The following ST6GAL1 variants were observed in gnomAD, a reference collection of about 807,000 sequenced individuals.
The protein encoded by ST6GAL1 is beta-galactoside alpha-2,6-sialyltransferase 1.
A neutral mutation model predicts 38.0 loss-of-function variants in ST6GAL1; 20 were observed. The ratio of observed to expected loss-of-function variants is 0.53; its 90% CI spans 0.37 to 0.77. The LOEUF (loss-of-function observed/expected upper bound fraction) is 0.77. Ranked by LOEUF, ST6GAL1 falls within the 30% of genes least tolerant of loss-of-function variation. ST6GAL1 has a pLI of 0.00. For missense variants in ST6GAL1, 432 were observed against 496.4 expected (o/e 0.87, Z 1.23); for synonymous variants, 196 against 188.2 (o/e 1.04, Z -0.34).
At chr3:186,944,631 G>A (rs1714292658) in intron 1 of ST6GAL1, among the ~76,000 whole-genome samples, 1 of 152,170 alleles carries the variant, frequency 6.6e-6, no homozygotes, top group Non-Finnish European at 1.5e-5. Context: ...TACAGAAAAA[G>A]TTACCAGGAA....
intron 2 of ST6GAL1, among the ~76,000 whole-genome samples, chr3:187,018,279 G>T (rs550050064): frequency 6.6e-6 from 1 of 152,212 alleles, no homozygotes; most frequent in African/African-American, 2.4e-5. Flanking sequence ...TGTTGGGGGT[G>T]GTTTTTCTAA....
At chr3:187,032,830 G>A (rs1426937608) in intron 2 of ST6GAL1, among the ~76,000 whole-genome samples, 1 of 152,100 alleles carries the variant, frequency 6.6e-6, no homozygotes, top group African/African-American at 2.4e-5. Context: ...CTTTTTCCCT[G>A]GTAGTCATAC....
chr3:186,963,505 G>A (rs939863031), intron 1 of ST6GAL1, among the ~76,000 whole-genome samples: 4 of 152,228 alleles, frequency 2.6e-5, no homozygotes, highest in Non-Finnish European at 5.9e-5. Flanking sequence ...CCGATCTGTA[G>A]CTTTCTAACC....
At chr3:186,987,611 A>C (rs925199832) in intron 2 of ST6GAL1, among the ~76,000 whole-genome samples, 5 of 152,208 alleles carry the variant, frequency 3.3e-5, no homozygotes, top group African/African-American at 1.2e-4. Context: ...AGGAAACCTG[A>C]AAATGTTTTT....
chr3:186,931,824 T>C (rs921820599), intron 1 of ST6GAL1, among the ~76,000 whole-genome samples: 14 of 152,388 alleles, frequency 9.2e-5, no homozygotes, highest in African/African-American at 3.4e-4. Context: ...AGACCTCGTA[T>C]TCTAGCTGGG....
rs1265379707 is a variant in ST6GAL1, at chr3:186,943,572, C to T, written c.-325+12738C>T. On this transcript the variant is annotated intron_variant, in intron 1 of 7. Transcript: ENST00000169298. ...TCAAGCCATTCCCCTGTCTCAGCCT[C>T]CTGAGTAGCTGGGATTACAGGTACA... Among the ~76,000 whole-genome samples, 3 of 152,114 alleles carry T rather than the reference C, an allele frequency of 2.0e-5. No individual in the cohort carries two copies. In the East Asian group the frequency reaches 5.8e-4, roughly 29 times the overall value.
intron 2 of ST6GAL1, among the ~76,000 whole-genome samples, chr3:186,988,128 T>C (rs1029283266): frequency 2.0e-5 from 3 of 152,160 alleles, no homozygotes; most frequent in Non-Finnish European, 4.4e-5. Flanking sequence ...TTAATTGACA[T>C]TGGTTGTGGT....
intron 2 of ST6GAL1, among the ~76,000 whole-genome samples, chr3:186,966,482 G>T (rs1483937619): frequency 6.6e-6 from 1 of 152,198 alleles, no homozygotes; most frequent in Non-Finnish European, 1.5e-5. Context: ...CTCAAAGCTA[G>T]TGAGTGCTCT....
intron 5 of ST6GAL1, among the ~76,000 whole-genome samples, chr3:187,063,786 C>A (rs1402049045): frequency 6.6e-6 from 1 of 152,220 alleles, no homozygotes; most frequent in Non-Finnish European, 1.5e-5. Flanking sequence ...GTCAGGCAGG[C>A]TTTGATCAGA....
At chr3:186,968,520 C>G (rs939147105) in intron 2 of ST6GAL1, among the ~76,000 whole-genome samples, 3 of 152,188 alleles carry the variant, frequency 2.0e-5, no homozygotes, top group Non-Finnish European at 4.4e-5. Flanking sequence ...TCCCTCCTTC[C>G]TGCCCCCTTC....
chr3:187,061,382 A>G (rs556143277), intron 5 of ST6GAL1, among the ~76,000 whole-genome samples: 12 of 152,316 alleles, frequency 7.9e-5, no homozygotes, highest in African/African-American at 2.6e-4. Flanking sequence ...AAGCTATCCT[A>G]AAATTTATAT....
intron 5 of ST6GAL1, among the ~76,000 whole-genome samples, chr3:187,067,337 T>C (rs1469329751): frequency 6.7e-6 from 1 of 149,630 alleles, no homozygotes; most frequent in Non-Finnish European, 1.5e-5. Context: ...TCTGCCCACC[T>C]CAGCTTCCCA....
intron 5 of ST6GAL1, chr3:187,064,401 A>G: frequency 2.4e-6 from 1 of 411,090 alleles, no homozygotes; most frequent in African/African-American, 2.0e-5. Flanking sequence ...AGTTGCCTAC[A>G]ATTCACAAAG....
At chr3:186,951,210 C>T (rs954174977) in intron 1 of ST6GAL1, among the ~76,000 whole-genome samples, 59 of 152,272 alleles carry the variant, frequency 3.9e-4, no homozygotes, top group Admixed American at 2.2e-3. Flanking sequence ...CACCTGCCAA[C>T]GTGACCCGCT....
intron 2 of ST6GAL1, among the ~76,000 whole-genome samples, chr3:187,028,043 A>G (rs1329994690): frequency 6.6e-6 from 1 of 152,160 alleles, no homozygotes; most frequent in Non-Finnish European, 1.5e-5. Context: ...TGACTCTGAC[A>G]AGATCAGGTT....
chr3:186,984,784 C>CT (rs1715832157), intron 2 of ST6GAL1, among the ~76,000 whole-genome samples: 1 of 31,936 alleles, frequency 3.1e-5, no homozygotes, highest in African/African-American at 1.1e-4. Context: ...CCTTCCCTTC[C>CT]TCCCTTCCTT....
intron 2 of ST6GAL1, among the ~76,000 whole-genome samples, chr3:187,014,511 G>C (rs183610558): frequency 6.6e-6 from 1 of 152,238 alleles, no homozygotes; most frequent in African/African-American, 2.4e-5. Context: ...GGTGTGGGGA[G>C]GGCAGGCAGC....
At chr3:187,021,811 C>T (rs962360585) in intron 2 of ST6GAL1, 5 of 150,128 alleles carry the variant, frequency 3.3e-5, no homozygotes, top group Non-Finnish European at 5.9e-5. Context: ...GAAATGCTGA[C>T]GTCAAGGAAG....
intron 2 of ST6GAL1, among the ~76,000 whole-genome samples, chr3:186,980,420 G>T (rs1028723062): frequency 4.6e-5 from 7 of 152,042 alleles, no homozygotes; most frequent in African/African-American, 1.7e-4. Flanking sequence ...TATTGTGAAA[G>T]AATATACGTC....
Sources: allele counts gnomAD v4.1 joint callset (sites outside exome capture counted in the v4.1 genomes callset), GRCh38; gene constraint gnomAD v4.1.1; transcripts MANE v1.5; gene names NCBI Gene and HGNC (gene_info 2026-07-23, HGNC 2026-07-21).